Variants in LDLRAD3 observed in about 807,000 individuals in gnomAD.
LDLRAD3 encodes low density lipoprotein receptor class A domain containing 3.
LDLRAD3 carries 20 observed loss-of-function variants against 29.4 expected under a neutral mutation model. The observed-to-expected ratio is 0.68, with a 90% CI of 0.48 to 0.99. LDLRAD3 has a LOEUF of 0.99. LDLRAD3 is among the 50% of genes least tolerant of loss of function. The pLI is 0.00. For missense variants in LDLRAD3, 420 were observed against 454.3 expected, an observed-to-expected ratio of 0.92 and a Z score of 0.69; for synonymous variants, 157 against 192.7, an observed-to-expected ratio of 0.81 and a Z score of 1.53.
At chr11:36,208,264 TGTGCTG>T (rs1438159941) in intron 4 of LDLRAD3, among the ~76,000 whole-genome samples, 2 of 152,244 alleles carry the variant, frequency 1.3e-5, no homozygotes, top group East Asian at 3.8e-4. Flanking sequence ...GCCTTTGTTT[TGTGCTG>T]GTGTGACAAA....
chr11:36,196,113 G>A (rs911714199), intron 4 of LDLRAD3: 2 of 151,972 alleles, frequency 1.3e-5, no homozygotes, highest in African/African-American at 4.8e-5. Context: ...CAGCTGCCTA[G>A]TAGCTGGGTC....
intron 4 of LDLRAD3, chr11:36,183,972 T>C (rs542962453): frequency 6.2e-6 from 2 of 322,462 alleles, no homozygotes; most frequent in Non-Finnish European, 6.0e-6. Flanking sequence ...TCTTTTTTTT[T>C]TTTTTTTTCC....
At chr11:36,220,412 A>C (rs1211967269) in intron 4 of LDLRAD3, among the ~76,000 whole-genome samples, 1 of 152,218 alleles carries the variant, frequency 6.6e-6, no homozygotes, top group East Asian at 1.9e-4. Context: ...GGAACAGCCC[A>C]GTACCCTCCC....
chr11:36,070,747 C>T (rs941701498), intron 2 of LDLRAD3, among the ~76,000 whole-genome samples: 3 of 152,128 alleles, frequency 2.0e-5, no homozygotes, highest in Non-Finnish European at 2.9e-5. Context: ...TATTCACAAG[C>T]GTCCCTGGGG....
rs80268005 is a variant in LDLRAD3 at position 35,995,357 on chromosome 11, T to A, written c.47-40746T>A. Among the ~76,000 whole-genome samples, 39 of 152,346 alleles carry A rather than the reference T, an allele frequency of 2.6e-4. No homozygotes were observed. The East Asian group carries it at 7.5e-3, about 29-fold the overall frequency. On this transcript the variant is annotated intron_variant, in intron 1 of 5. Coordinates refer to ENST00000315571, the MANE Select transcript of LDLRAD3 (RefSeq NM_174902.4). ...CTGAGCAGTAATATTTTGAAAGGAATCTTTTCCTGAGCAGTAGGTCTCAAC... is the reference window on the plus strand; with the variant it reads ...CTGAGCAGTAATATTTTGAAAGGAAACTTTTCCTGAGCAGTAGGTCTCAAC...
At position 36,009,349 on chromosome 11, in the gene LDLRAD3, A is replaced by G. The variant is rs146314364; in HGVS notation, c.47-26754A>G. On this transcript the variant is annotated intron_variant, in intron 1 of 5. Coordinates refer to ENST00000315571, the MANE Select transcript of LDLRAD3 (RefSeq NM_174902.4). Reference sequence around the variant, plus strand: ...ACCCCCTGCTCTGGGAGCAGTCATCATAGGCAGGGCTTTGACGAACTCCCT... The same window carrying G: ...ACCCCCTGCTCTGGGAGCAGTCATCGTAGGCAGGGCTTTGACGAACTCCCT... 3.3e-4 allele frequency among the ~76,000 whole-genome samples: 50 copies of G among 152,336 alleles called. 1 individual carries two copies. The highest frequency in any genetic ancestry group is 1.9e-3 in the South Asian group (9 of 4,828).
intron 4 of LDLRAD3, among the ~76,000 whole-genome samples, chr11:36,198,171 G>C (rs1855063321): frequency 6.6e-6 from 1 of 152,166 alleles, no homozygotes; most frequent in Admixed American, 6.5e-5. Flanking sequence ...TAAGCATGAA[G>C]GTCATCAAAT....
chr11:36,133,323 A>T (rs1413880348), intron 4 of LDLRAD3, among the ~76,000 whole-genome samples: 1 of 151,278 alleles, frequency 6.6e-6, no homozygotes, highest in Non-Finnish European at 1.5e-5. Context: ...GGTGTCAGCC[A>T]TCATGCCCAG....
intron 1 of LDLRAD3, chr11:35,989,134 T>C (rs1590708722): frequency 6.6e-6 from 1 of 152,350 alleles, no homozygotes; most frequent in East Asian, 1.9e-4. Context: ...AGGAAGTCCT[T>C]TCCCCATTGT....
intron 4 of LDLRAD3, among the ~76,000 whole-genome samples, chr11:36,104,192 C>T (rs887511325): frequency 6.6e-6 from 1 of 152,122 alleles, no homozygotes; most frequent in African/African-American, 2.4e-5. Context: ...TGGCAAGGGA[C>T]GGAAGGAGGG....
chr11:36,227,590 C>T (rs1030933837), intron 5 of LDLRAD3, among the ~76,000 whole-genome samples, 160 bp downstream of exon 5: 7 of 152,190 alleles, frequency 4.6e-5, no homozygotes, highest in African/African-American at 1.7e-4. Flanking sequence ...GCAAAATTCT[C>T]TACATGTATC....
chr11:36,115,650 G>A (rs748023984), intron 4 of LDLRAD3, among the ~76,000 whole-genome samples: 2 of 152,100 alleles, frequency 1.3e-5, no homozygotes, highest in Admixed American at 6.5e-5. Flanking sequence ...GGTCACATCC[G>A]CAAAAGGACG....
At chr11:35,945,740 T>C (rs765464381) in intron 1 of LDLRAD3, among the ~76,000 whole-genome samples, 7 of 152,214 alleles carry the variant, frequency 4.6e-5, no homozygotes, top group Non-Finnish European at 7.3e-5. Context: ...AGAGCCACTG[T>C]AGCCAAATGG....
chr11:36,152,222 T>C (rs1039474199), intron 4 of LDLRAD3, among the ~76,000 whole-genome samples: 5 of 152,250 alleles, frequency 3.3e-5, no homozygotes, highest in African/African-American at 1.2e-4. Flanking sequence ...TCCTGAAAGC[T>C]GTGTGGAATT....
chr11:36,137,168 C>T (rs1417141784), intron 4 of LDLRAD3, among the ~76,000 whole-genome samples: 2 of 152,180 alleles, frequency 1.3e-5, no homozygotes, highest in Non-Finnish European at 2.9e-5. Flanking sequence ...CCTCATTTGT[C>T]ACTGGCCAGC....
At chr11:35,961,655 T>G (rs1851279305) in intron 1 of LDLRAD3, among the ~76,000 whole-genome samples, 1 of 152,212 alleles carries the variant, frequency 6.6e-6, no homozygotes, top group South Asian at 2.1e-4. Flanking sequence ...GAGTTTCTAC[T>G]TAGTGACTTC....
chr11:36,105,205 TTGTGTGTGTG>T (rs10565208), intron 4 of LDLRAD3, among the ~76,000 whole-genome samples: 20 of 138,468 alleles, frequency 1.4e-4, no homozygotes, highest in Non-Finnish European at 2.9e-4. Flanking sequence ...TCTGCAGAAT[TTGTGTGTGTG>T]TGTGTGTGTG....
At chr11:36,200,778 GTTC>G (rs903843266) in intron 4 of LDLRAD3, among the ~76,000 whole-genome samples, 16 of 152,182 alleles carry the variant, frequency 1.1e-4, no homozygotes, top group Non-Finnish European at 7.3e-5. Flanking sequence ...TGCAGTAAGT[GTTC>G]TTCTATCAAT....
rs1390053086 is a variant in LDLRAD3 at position 35,991,699 on chromosome 11, C to T, written c.47-44404C>T. The stretch of plus-strand genomic sequence containing the variant: ...CACAGATCTCTGCAGAGCTCTCCCT[C>T]GTAAGCTTCTTTGGTTACATGGCTG... On this transcript the variant is annotated intron_variant, in intron 1 of 5. Transcript: ENST00000315571. Among the ~76,000 whole-genome samples, 5 of 152,170 alleles carry T rather than the reference C, an allele frequency of 3.3e-5. No homozygotes were observed. The East Asian group carries it at 9.6e-4, about 29-fold the overall frequency.
Sources: gnomAD v4.1 joint callset for allele counts (sites outside exome capture counted in the v4.1 genomes callset) on GRCh38, gnomAD v4.1.1 for gene constraint, MANE v1.5 for transcripts, NCBI Gene and HGNC (gene_info 2026-07-23, HGNC 2026-07-21) for gene names.